Variants in MCC observed in about 807,000 individuals in gnomAD.
MCC encodes MCC regulator of Wnt signaling pathway, also known as colorectal mutant cancer protein.
Under a neutral mutation model 116.2 loss-of-function variants are expected in MCC, and 90 were observed. The observed-to-expected ratio is 0.77, with a 90% confidence interval of 0.65 to 0.92. The LOEUF (loss-of-function observed/expected upper bound fraction) is 0.92, where lower values mean the gene tolerates loss of function less well. Ranked by LOEUF, MCC falls within the 40% of genes least tolerant of loss-of-function variation. The pLI is 0.00. For missense variants in MCC, 1,516 were observed against 1,312.2 expected, an observed-to-expected ratio of 1.16 and a Z score of -2.40; for synonymous variants, 578 against 510.5, an observed-to-expected ratio of 1.13 and a Z score of -1.78.
In MCC at chr5:113,038,389, G is replaced by A. The variant is rs550258555; in HGVS notation, c.2756+5141C>T. Among the ~76,000 whole-genome samples, 12 of 152,264 alleles carry A rather than the reference G, an allele frequency of 7.9e-5. No homozygotes were observed. The South Asian group carries it at 1.7e-3, about 21-fold the overall frequency. ...GGCCCTAAAAGGACTCTCTTTCTGT[G>A]TGGGGACTGAGGGTTAAGGAGGGGA... On this transcript the variant is annotated intron_variant, in intron 17 of 18. Coordinates refer to ENST00000408903, the MANE Select transcript of MCC (RefSeq NM_001085377.2).
chr5:113,237,009 A>G (rs1215622353), intron 3 of MCC, among the ~76,000 whole-genome samples: 2 of 152,204 alleles, frequency 1.3e-5, no homozygotes. Flanking sequence ...GAAAAAATTG[A>G]GAAGGAAAGT....
At chr5:113,295,840 A>G (rs1475407757) in intron 3 of MCC, among the ~76,000 whole-genome samples, 4 of 152,204 alleles carry the variant, frequency 2.6e-5, no homozygotes, top group African/African-American at 7.2e-5. Flanking sequence ...GAGATTGCTT[A>G]AGAGACCTCA....
chr5:113,365,644 G>A (rs1037533250), intron 2 of MCC, among the ~76,000 whole-genome samples: 1 of 152,122 alleles, frequency 6.6e-6, no homozygotes, highest in Non-Finnish European at 1.5e-5. Flanking sequence ...TTCTTGCATT[G>A]CTATAAAGAA....
At position 113,434,016 on chromosome 5, in the gene MCC, T is replaced by C; in HGVS notation, c.171-48804A>G. On this transcript the variant is annotated intron_variant, in intron 1 of 18. Coordinates refer to ENST00000408903, the MANE Select transcript of MCC (RefSeq NM_001085377.2). The surrounding 1 kb of genome is among the most constrained non-coding windows in gnomAD (Gnocchi z 4.2). ...GGCCACAGAGGGAGATCCCCGTGCC[T>C]TGGGCTGCATCCAGCAGTGGCTGAG... The C allele has an allele frequency of 1.2e-6, 2 of 1,614,022 alleles. No individual in the cohort carries two copies.
At chr5:113,331,585 T>C (rs1767696967) in intron 3 of MCC, among the ~76,000 whole-genome samples, 1 of 151,170 alleles carries the variant, frequency 6.6e-6, no homozygotes, top group Non-Finnish European at 1.5e-5. Flanking sequence ...TAGGTAGAAA[T>C]TATTATTTTT....
intron 3 of MCC, among the ~76,000 whole-genome samples, chr5:113,209,922 A>C (rs1271407821): frequency 6.6e-6 from 1 of 152,238 alleles, no homozygotes; most frequent in Non-Finnish European, 1.5e-5. Flanking sequence ...ATGTGTCTAG[A>C]GTGCTATTTC....
At chr5:113,226,176 A>G (rs1763728004) in intron 3 of MCC, among the ~76,000 whole-genome samples, 1 of 152,230 alleles carries the variant, frequency 6.6e-6, no homozygotes, top group Non-Finnish European at 1.5e-5. Flanking sequence ...ACAAACAAAC[A>G]AACAAACATT....
chr5:113,398,828 C>G (rs1285371799), intron 1 of MCC, among the ~76,000 whole-genome samples: 1 of 152,096 alleles, frequency 6.6e-6, no homozygotes, highest in African/African-American at 2.4e-5. Flanking sequence ...TTCCAATAAG[C>G]AACTTTCTCA....
intron 3 of MCC, among the ~76,000 whole-genome samples, chr5:113,322,414 AAAG>A (rs560085289): frequency 6.6e-6 from 1 of 152,234 alleles, no homozygotes; most frequent in Non-Finnish European, 1.5e-5. Context: ...TCATACAGAA[AAAG>A]AAGAAAAGAC....
At chr5:113,481,636 G>C (rs1431732305) in intron 1 of MCC, among the ~76,000 whole-genome samples, 1 of 152,128 alleles carries the variant, frequency 6.6e-6, no homozygotes, top group African/African-American at 2.4e-5. Context: ...CTACTCAGGA[G>C]GCTGAGGCAG....
intron 3 of MCC, among the ~76,000 whole-genome samples, chr5:113,222,971 T>A (rs139637523): frequency 6.6e-6 from 1 of 152,222 alleles, no homozygotes; most frequent in Non-Finnish European, 1.5e-5. Context: ...CCACCCATCA[T>A]TGCAACTCAG....
At chr5:113,073,845 C>T in intron 11 of MCC, among the ~76,000 whole-genome samples, 1 of 152,188 alleles carries the variant, frequency 6.6e-6, no homozygotes, top group Non-Finnish European at 1.5e-5. Flanking sequence ...GCGTCCGCCA[C>T]TGCTGAGGGT....
chr5:113,474,509 G>C (rs1772183353), intron 1 of MCC, among the ~76,000 whole-genome samples: 2 of 152,304 alleles, frequency 1.3e-5, no homozygotes, highest in African/African-American at 2.4e-5. Flanking sequence ...CACCGTGCCA[G>C]ACAGGCAGGG....
chr5:113,167,546 A>T (rs1341521922), intron 3 of MCC, among the ~76,000 whole-genome samples: 1 of 152,190 alleles, frequency 6.6e-6, no homozygotes, highest in African/African-American at 2.4e-5. Context: ...TAACTTCAAC[A>T]GACTGAAACT....
At chr5:113,485,585 G>A (rs1021756301) in intron 1 of MCC, among the ~76,000 whole-genome samples, 1 of 143,192 alleles carries the variant, frequency 7.0e-6, no homozygotes, top group Admixed American at 7.6e-5. Context: ...ATTTGGGGAT[G>A]AAGAGGGAGA....
At chr5:113,209,927 T>C (rs941520114) in intron 3 of MCC, among the ~76,000 whole-genome samples, 4 of 152,222 alleles carry the variant, frequency 2.6e-5, no homozygotes, top group African/African-American at 7.2e-5. Flanking sequence ...TCTAGAGTGC[T>C]ATTTCATTTT....
At chr5:113,132,865 T>G (rs1581128522) in intron 5 of MCC, among the ~76,000 whole-genome samples, 1 of 152,324 alleles carries the variant, frequency 6.6e-6, no homozygotes, top group East Asian at 1.9e-4. Context: ...CTTTGCTTGT[T>G]GGCTCAGTGG....
At chr5:113,073,764 C>T (rs1028440069) in intron 11 of MCC, among the ~76,000 whole-genome samples, 1 of 152,116 alleles carries the variant, frequency 6.6e-6, no homozygotes, top group South Asian at 2.1e-4. Flanking sequence ...CCCACGCCCA[C>T]GGAGCTTCGC....
chr5:113,359,646 T>A (rs1768498770), intron 2 of MCC, among the ~76,000 whole-genome samples: 1 of 152,228 alleles, frequency 6.6e-6, no homozygotes, highest in South Asian at 2.1e-4. Context: ...AAATAATATT[T>A]GGCAGCTCAT....
Sources: gnomAD v4.1 joint callset for allele counts (sites outside exome capture counted in the v4.1 genomes callset) on GRCh38, gnomAD v4.1.1 for gene constraint, Gnocchi (gnomAD v3.1) non-coding constraint, MANE v1.5 for transcripts, NCBI Gene and HGNC (gene_info 2026-07-23, HGNC 2026-07-21) for gene names.